SRSF6: variants seen among roughly 807,000 people sequenced by gnomAD.
SRSF6 encodes the protein serine/arginine-rich splicing factor 6.
Under a neutral mutation model 42.0 loss-of-function variants are expected in SRSF6, and 17 were observed. The ratio of observed to expected loss-of-function variants is 0.40; its 90% CI spans 0.28 to 0.61. The LOEUF is 0.61. Ranked by LOEUF, SRSF6 falls within the 20% of genes least tolerant of loss-of-function variation. The pLI, the probability that SRSF6 is intolerant of heterozygous loss-of-function variation, is 0.37. For synonymous variants in SRSF6, 204 were observed against 166.7 expected (o/e 1.22, Z -1.72); for missense variants, 379 against 471.4 (o/e 0.80, Z 1.81).
Position 43,460,885 on chromosome 20 carries a change from A to C in SRSF6, c.857A>C (p.Lys286Thr). ...SRSRSPKENG[K>T]GDIKSKSRSR... The stretch of plus-strand genomic sequence containing the variant: ...TCCCGATCCCCTAAAGAAAATGGAA[A>C]GGGTGATATAAAGTCAAAATCCAGA... Residue 286 changes from lysine (K) to threonine (T), a missense_variant, in exon 6 of 6, where the codon AAG becomes ACG. Transcript: ENST00000244020. 1 of 1,614,138 alleles carries C rather than the reference A, an allele frequency of 6.2e-7. No individual in the cohort carries two copies. The highest frequency in any genetic ancestry group is 1.1e-5 in the South Asian group (1 of 91,084).
intron 2 of SRSF6, 99 bp downstream of exon 2, chr20:43,458,608 G>T (rs2017538597): frequency 7.9e-7 from 1 of 1,259,620 alleles, no homozygotes. Flanking sequence ...AGGGCCGGGG[G>T]TCGTTTGACT....
chr20:43,458,343 C>G lies in SRSF6; in HGVS notation c.108-18C>G. The G allele has an allele frequency of 6.5e-7, 1 of 1,534,398 alleles. No homozygotes were observed. The highest frequency in any genetic ancestry group is 8.7e-7 in the Non-Finnish European group (1 of 1,143,584). ...TAACGACTCCCCCGCGGTTGTCCGG[C>G]CCTCGCACCGCCCCTAGGTACGGCT... On this transcript the variant is annotated intron_variant, in intron 1 of 5. Coordinates refer to ENST00000244020, the MANE Select transcript of SRSF6 (RefSeq NM_006275.6).
rs1159511146 is a variant in SRSF6, at chr20:43,461,250, C to T, written c.*187C>T. The T allele has an allele frequency of 7.7e-6, 5 of 645,270 alleles. No individual in the cohort carries two copies. The highest frequency in any genetic ancestry group is 7.7e-5 in the African/African-American group (4 of 51,926). 40.0% of individuals were successfully genotyped at this position (645,270 alleles called of 1,614,324 possible). On this transcript the variant is annotated 3_prime_UTR_variant, in exon 6 of 6. Transcript: ENST00000244020. ...AAGGAAATGGTGGCATGAAGACCCT[C>T]TCCCTTCTTTGTAGAATTAAGATAA...
rs902930566 is a variant in SRSF6 at position 43,457,896 on chromosome 20, A to C, written c.-138A>C. ...CGAAAGCCTGGCGCGCGCGCGCGCC[A>C]TTGTGTGGCTGGACTCGGCCGCCCC... On this transcript the variant is annotated 5_prime_UTR_variant, in exon 1 of 6. Transcript: ENST00000244020. 7 of 615,916 alleles carry C rather than the reference A, an allele frequency of 1.1e-5. No homozygotes were observed. The highest frequency in any genetic ancestry group is 6.4e-5 in the East Asian group (2 of 31,406). The allele number at this position is 615,916 out of a possible 1,614,324, so 38.2% of individuals were successfully genotyped here.
chr20:43,459,879 G>C lies in SRSF6; in HGVS notation c.365G>C (p.Ser122Thr). The change falls in exon 3 of 6, where the codon AGT (serine) becomes ACT (threonine). Residue 122 changes from serine (S) to threonine (T), a missense_variant. Around this residue, in one of 3 missense-constraint regions of SRSF6, gnomAD observed 43 missense variants for 108.5 expected, o/e 0.40. Transcript: ENST00000244020. ...LIVENLSSRC[S>T]WQDLKDFMRQ... is the part of the protein sequence containing the mutation. ...GTAGAAAATCTTTCTAGTCGGTGCA[G>C]TTGGCAAGATTTAAAGGTATGTTTT... is the stretch of plus-strand genomic sequence containing the variant. 6.2e-7 allele frequency: 1 copy of C among 1,608,140 alleles called. No individual in the cohort carries two copies. Among genetic ancestry groups the C allele is most frequent in the Non-Finnish European group, 8.5e-7 (1 of 1,177,662 alleles).
intron 4 of SRSF6, 121 bp from the exon 5 acceptor site, chr20:43,460,394 C>A: frequency 7.3e-7 from 1 of 1,369,330 alleles, no homozygotes. Flanking sequence ...ATGTTTTGAA[C>A]AGTGTATTTA....
Position 43,457,982 on chromosome 20 carries a change from C to T in SRSF6, c.-52C>T. 1 of 1,492,420 alleles carries T rather than the reference C, an allele frequency of 6.7e-7. No homozygotes were observed. Among genetic ancestry groups the T allele is most frequent in the East Asian group, 2.4e-5 (1 of 42,298 alleles). The allele number at this position is 1,492,420 out of a possible 1,614,324, so 92.4% of individuals were successfully genotyped here. ...CCCGCACCCGCACCGCGGTTACTGG[C>T]TTGCGGTCCGCCGTTCGACAACCAG... On this transcript the variant is annotated 5_prime_UTR_variant, in exon 1 of 6. Coordinates refer to ENST00000244020, the MANE Select transcript of SRSF6 (RefSeq NM_006275.6).
In SRSF6 at chr20:43,458,087, C is replaced by G. The variant is rs1261163762; in HGVS notation, c.54C>G (p.Ile18Met). The G allele has an allele frequency of 1.2e-6, 2 of 1,613,444 alleles. No homozygotes were observed. The highest frequency in any genetic ancestry group is 1.7e-6 in the Non-Finnish European group (2 of 1,179,668). The change falls in exon 1 of 6, where the codon ATC (isoleucine) becomes ATG (methionine). Residue 18 changes from isoleucine to methionine, a missense_variant. Ile to Met is a conservative substitution (Grantham distance 10). This residue lies in a region of SRSF6 where 117 missense variants were observed against 146.8 expected (regional missense o/e 0.80). Transcript: ENST00000244020. ...RLSYNVREKD[I>M]QRFFSGYGRL... is the part of the protein sequence containing the mutation. ...GCTACAACGTCCGGGAGAAGGACAT[C>G]CAGCGCTTTTTCAGTGGCTATGGCC...
At position 43,459,984 on chromosome 20, in the gene SRSF6, G is replaced by A. The variant is rs751914632; in HGVS notation, c.382-49G>A. Reference sequence around the variant, plus strand: ...TTCTTATTTCTGGGAATTTATTATGGTATATAGATGTTTTAAGATTTCCGA... The same window carrying A: ...TTCTTATTTCTGGGAATTTATTATGATATATAGATGTTTTAAGATTTCCGA... On this transcript the variant is annotated intron_variant, in intron 3 of 5. Coordinates refer to ENST00000244020, the MANE Select transcript of SRSF6 (RefSeq NM_006275.6). 3.1e-6 allele frequency: 5 copies of A among 1,612,202 alleles called. No individual in the cohort carries two copies. The South Asian group carries it at 5.5e-5, about 18-fold the overall frequency.
In SRSF6 at chr20:43,458,505, C is replaced by T; in HGVS notation, c.252C>T (p.Ser84=). The change falls in exon 2 of 6, where the codon AGC becomes AGT. Residue 84 remains serine, a synonymous_variant. Transcript: ENST00000244020. ...RRDRDGYSYG[S]RSGGGGYSSR... Reference sequence around the variant, plus strand: ...ATCGCGACGGCTACAGCTACGGAAGCCGCAGTGAGTCCCACCCCCGCGCGC... The same window carrying T: ...ATCGCGACGGCTACAGCTACGGAAGTCGCAGTGAGTCCCACCCCCGCGCGC... 2.7e-6 allele frequency: 4 copies of T among 1,503,244 alleles called. No homozygotes were observed. Among genetic ancestry groups the T allele is most frequent in the Non-Finnish European group, 3.5e-6 (4 of 1,132,544 alleles). The allele number at this position is 1,503,244 out of a possible 1,614,324, so 93.1% of individuals were successfully genotyped here.
chr20:43,461,039 G>A lies in SRSF6; in HGVS notation c.1011G>A (p.Arg337=). The A allele has an allele frequency of 6.3e-7, 1 of 1,591,152 alleles. No homozygotes were observed. The part of the protein sequence containing the change: ...RSRSRSKSRS[R]SRSSSRD ...GATCTCGCTCAAAGTCAAGATCAAG[G>A]TCCAGGTCGAGTTCCAGAGATTAAC... Residue 337 remains arginine, a synonymous_variant, in exon 6 of 6, where the codon AGG becomes AGA. Coordinates refer to ENST00000244020, the MANE Select transcript of SRSF6 (RefSeq NM_006275.6).
rs2017575710 is a variant in SRSF6, at chr20:43,460,901, A to G, written c.873A>G (p.Ser291=). 6.2e-7 allele frequency: 1 copy of G among 1,614,154 alleles called. No individual in the cohort carries two copies. Among genetic ancestry groups the G allele is most frequent in the Non-Finnish European group, 8.5e-7 (1 of 1,180,006 alleles). Reference sequence around the variant, plus strand: ...AAAATGGAAAGGGTGATATAAAGTCAAAATCCAGATCAAGGAGCCAGTCCC... The same window carrying G: ...AAAATGGAAAGGGTGATATAAAGTCGAAATCCAGATCAAGGAGCCAGTCCC... The part of the protein sequence containing the change: ...PKENGKGDIK[S]KSRSRSQSRS... Residue 291 remains serine (S), a synonymous_variant, in exon 6 of 6, where the codon TCA becomes TCG. Coordinates refer to ENST00000244020, the MANE Select transcript of SRSF6 (RefSeq NM_006275.6).
rs757221005 is a variant in SRSF6, at chr20:43,458,355, C to T, written c.108-6C>T. ...CGCGGTTGTCCGGCCCTCGCACCGC[C>T]CCTAGGTACGGCTTCGTGGAGTTCG... On this transcript the variant is annotated splice_region_variant and splice_polypyrimidine_tract_variant and intron_variant, in intron 1 of 5. Transcript: ENST00000244020. 3.7e-4 allele frequency: 566 copies of T among 1,547,628 alleles called. 2 individuals carry two copies. The highest frequency in any genetic ancestry group is 4.6e-4 in the Non-Finnish European group (533 of 1,150,708).
rs1600861096 is a variant in SRSF6, at chr20:43,459,760, A to G, written c.257-11A>G. On this transcript the variant is annotated splice_polypyrimidine_tract_variant and intron_variant, in intron 2 of 5. Coordinates refer to ENST00000244020, the MANE Select transcript of SRSF6 (RefSeq NM_006275.6). ...TACAAGGCATCTAATTGTTCCCTTC[A>G]TGTGATAAAGGTGGTGGAGGTGGAT... 5.0e-6 allele frequency: 8 copies of G among 1,612,784 alleles called. No homozygotes were observed. Among genetic ancestry groups the G allele is most frequent in the Middle Eastern group, 2.0e-4 (1 of 4,882 alleles).
Position 43,460,950 on chromosome 20 carries a change from C to G in SRSF6, c.922C>G (p.Pro308Ala), listed in dbSNP as rs767658045. The G allele has an allele frequency of 2.7e-5, 44 of 1,614,040 alleles. No homozygotes were observed. The highest frequency in any genetic ancestry group is 3.6e-5 in the Non-Finnish European group (42 of 1,180,040). Residue 308 changes from proline (P) to alanine (A), a missense_variant, in exon 6 of 6, where the codon CCA becomes GCA. Pro to Ala is a conservative substitution (Grantham distance 27). Coordinates refer to ENST00000244020, the MANE Select transcript of SRSF6 (RefSeq NM_006275.6). ...QSRSNSPLPV[P>A]PSKARSVSPP... ...CCGTTCCAATTCGCCGCTACCTGTT[C>G]CACCCTCAAAGGCCCGTTCTGTGTC... is the stretch of plus-strand genomic sequence containing the variant.
Position 43,460,867 on chromosome 20 carries a change from C to G in SRSF6, c.839C>G (p.Ser280Cys). Residue 280 changes from serine (S) to cysteine (C), a missense_variant, in exon 6 of 6, where the codon TCC becomes TGC. Physicochemically the swap from Ser to Cys is moderately radical, Grantham distance 112 (BLOSUM62 -1). This residue lies in a region of SRSF6 where 219 missense variants were observed against 216.1 expected (regional missense o/e 1.01). Coordinates refer to ENST00000244020, the MANE Select transcript of SRSF6 (RefSeq NM_006275.6). Reference protein sequence around the residue: ...EKSRSRSRSRSPKENGKGDIK... With the variant: ...EKSRSRSRSRCPKENGKGDIK... ...TCTCGAAGCAGGTCTCGGTCCCGAT[C>G]CCCTAAAGAAAATGGAAAGGGTGAT... 1.2e-6 allele frequency: 2 copies of G among 1,614,110 alleles called. No individual in the cohort carries two copies. Among genetic ancestry groups the G allele is most frequent in the Non-Finnish European group, 1.7e-6 (2 of 1,180,020 alleles).
intron 2 of SRSF6, 102 bp from the exon 3 acceptor site, chr20:43,459,669 C>T: frequency 1.3e-6 from 2 of 1,561,062 alleles, no homozygotes; most frequent in Non-Finnish European, 8.8e-7. Context: ...TAGCAAAGTC[C>T]TACTCCAGTA....
In SRSF6 at chr20:43,461,334, GTTGTTTTTTTTTTTTTTTTTTTTTTTT is replaced by G. The variant is rs2017588737; in HGVS notation, c.*274_*300del. 2 of 56,490 alleles carry G rather than the reference GTTGTTTTTTTTTTTTTTTTTTTTTTTT, an allele frequency of 3.5e-5. No individual in the cohort carries two copies. Among genetic ancestry groups the G allele is most frequent in the African/African-American group, 7.4e-5 (1 of 13,546 alleles). The allele number at this position is 56,490 out of a possible 1,614,324, so 3.5% of individuals were successfully genotyped here. A position where few individuals can be genotyped will look rare whatever the true frequency, so the allele number is the denominator to read the frequency against. ...TTTGTAAAGATTAAGCTCATTTAGT[GTTGTTTTTTTTTTTTTTTTTTTTTTTT>G]TTTTTTTTTTTTTAGTATTTCAGCA... On this transcript the variant is annotated 3_prime_UTR_variant, in exon 6 of 6. Transcript: ENST00000244020.
At position 43,460,044 on chromosome 20, in the gene SRSF6, A is replaced by T. The variant is rs761979315; in HGVS notation, c.393A>T (p.Arg131=). The T allele has an allele frequency of 1.2e-6, 2 of 1,614,094 alleles. No homozygotes were observed. The highest frequency in any genetic ancestry group is 3.3e-5 in the Admixed American group (2 of 59,994). Residue 131 remains arginine, a synonymous_variant, in exon 4 of 6, where the codon CGA becomes CGT. Coordinates refer to ENST00000244020, the MANE Select transcript of SRSF6 (RefSeq NM_006275.6). The part of the protein sequence containing the change: ...CSWQDLKDFM[R]QAGEVTYADA... The stretch of plus-strand genomic sequence containing the variant: ...ATCTTGTCTTTCAGGATTTTATGCG[A>T]CAAGCAGGTGAAGTAACCTATGCGG...
Sources: gnomAD v4.1 joint callset for allele counts on GRCh38, gnomAD v4.1.1 for gene constraint, gnomAD v4.1.1 regional missense constraint, MANE v1.5 for transcripts, NCBI Gene and HGNC (gene_info 2026-07-23, HGNC 2026-07-21) for gene names.